The following ANKRD40 variants were observed in gnomAD, a reference collection of about 807,000 sequenced individuals.
ANKRD40 encodes the protein ankyrin repeat domain-containing protein 40.
Under a neutral mutation model 35.5 loss-of-function variants are expected in ANKRD40, and 24 were observed. The observed-to-expected ratio is 0.68, with a 90% CI of 0.49 to 0.95. The LOEUF is 0.95. ANKRD40 is among the 40% of genes least tolerant of loss of function. The pLI, the probability that ANKRD40 is intolerant of heterozygous loss-of-function variation, is 0.00. For synonymous variants in ANKRD40, 147 were observed against 173.5 expected (o/e 0.85, Z 1.20); for missense variants, 361 against 436.0 (o/e 0.83, Z 1.53).
Position 50,694,145 on chromosome 17 carries a change from A to C in ANKRD40, c.*1852T>G, listed in dbSNP as rs1347313041. 2 of 151,644 alleles carry C rather than the reference A, an allele frequency of 1.3e-5. No individual in the cohort carries two copies. The highest frequency in any genetic ancestry group is 2.9e-5 in the Non-Finnish European group (2 of 67,940). 9.4% of individuals were successfully genotyped at this position (151,644 alleles called of 1,614,324 possible). On this transcript the variant is annotated 3_prime_UTR_variant, in exon 5 of 5. Transcript: ENST00000285243. ...ACTCCGTCTCAAAAAAAAAAAGAAA[A>C]GAAACACCAGGGAGGTTTCTTCTTT...
At chr17:50,700,897 G>T in intron 1 of ANKRD40, 181 bp from the exon 2 acceptor site, 1 of 525,174 alleles carries the variant, frequency 1.9e-6, no homozygotes. Context: ...CTTAAATTTT[G>T]TTTTTAAATT....
At position 50,697,029 on chromosome 17, in the gene ANKRD40, C is replaced by A; in HGVS notation, c.871G>T (p.Glu291Ter). ...TCACAGCAACACACTCTGAGCAACT[C>A]TTGGTAGGTGAGCTCCTGTCGGTCC... is the stretch of plus-strand genomic sequence containing the variant. ...ELDRQELTYQ[E>*]LLRVCCCELG... The change falls in exon 4 of 5, where the codon GAG becomes TAG. Residue 291 changes from glutamate (E) to a stop codon, truncating the protein, a stop_gained. Coordinates refer to ENST00000285243, the MANE Select transcript of ANKRD40 (RefSeq NM_052855.4). LOFTEE classifies it high-confidence loss of function. The A allele has an allele frequency of 6.2e-7, 1 of 1,614,170 alleles. No individual in the cohort carries two copies. Among genetic ancestry groups the A allele is most frequent in the Non-Finnish European group, 8.5e-7 (1 of 1,180,030 alleles).
chr17:50,707,369 A>G lies in ANKRD40; in HGVS notation c.134+152T>C, dbSNP rs997482218. 6 of 1,189,340 alleles carry G rather than the reference A, an allele frequency of 5.0e-6. No homozygotes were observed. Among genetic ancestry groups the G allele is most frequent in the Middle Eastern group, 2.3e-4 (1 of 4,268 alleles). The allele number at this position is 1,189,340 out of a possible 1,614,324, so 73.7% of individuals were successfully genotyped here. On this transcript the variant is annotated intron_variant, in intron 1 of 4. Coordinates refer to ENST00000285243, the MANE Select transcript of ANKRD40 (RefSeq NM_052855.4). The surrounding 1 kb of genome is among the most constrained non-coding windows in gnomAD (Gnocchi z 4.8). ...CCCGACCGCACGAGGCATGGGGGCC[A>G]GGGCTGGCCTCAAGAGAGCACAATC...
chr17:50,696,803 A>ATGAT, intron 4 of ANKRD40, 137 bp downstream of exon 4: 1 of 880,548 alleles, frequency 1.1e-6, no homozygotes, highest in Non-Finnish European at 1.6e-6. Context: ...GTAGAAGGAA[A>ATGAT]TGATTACATT....
chr17:50,700,918 C>T, intron 1 of ANKRD40: 1 of 486,054 alleles, frequency 2.1e-6, no homozygotes. Context: ...TCATTTCTGG[C>T]TCCTGAGAAA....
intron 1 of ANKRD40, among the ~76,000 whole-genome samples, chr17:50,702,033 C>G (rs1005951378): frequency 6.6e-6 from 1 of 152,092 alleles, no homozygotes; most frequent in Non-Finnish European, 1.5e-5. Flanking sequence ...ATAAGAGTCT[C>G]GTTAAGTTTG....
Position 50,707,390 on chromosome 17 carries a change from C to G in ANKRD40, c.134+131G>C. Reference sequence around the variant, plus strand: ...GGCCAGGGCTGGCCTCAAGAGAGCACAATCTCGGAGGCCCGAGGTGGCAGG... The same window carrying G: ...GGCCAGGGCTGGCCTCAAGAGAGCAGAATCTCGGAGGCCCGAGGTGGCAGG... On this transcript the variant is annotated intron_variant, in intron 1 of 4. Transcript: ENST00000285243. The surrounding 1 kb of genome is among the most constrained non-coding windows in gnomAD (Gnocchi z 4.8). The G allele has an allele frequency of 7.3e-7, 1 of 1,376,324 alleles. No individual in the cohort carries two copies. The highest frequency in any genetic ancestry group is 9.8e-7 in the Non-Finnish European group (1 of 1,023,652). The allele number at this position is 1,376,324 out of a possible 1,614,324, so 85.3% of individuals were successfully genotyped here.
chr17:50,697,540 T>G (rs1968215133), intron 3 of ANKRD40, among the ~76,000 whole-genome samples: 1 of 152,190 alleles, frequency 6.6e-6, no homozygotes, highest in Non-Finnish European at 1.5e-5. Flanking sequence ...TAAAAAGATT[T>G]AACAATTATG....
chr17:50,700,638 TTC>T lies in ANKRD40; in HGVS notation c.211_212del (p.Glu71AsnfsTer29). On this transcript the variant is annotated frameshift_variant, in exon 2 of 5. Coordinates refer to ENST00000285243, the MANE Select transcript of ANKRD40 (RefSeq NM_052855.4). LOFTEE classifies it high-confidence loss of function. ...GCATTTCTCCTTTTGTGGTAAGAAT[TTC>T]TTTGTCAGCTCCTGATTTTAACAGG... The part of the protein sequence containing the change: ...SYLLKSGADK[E>X]ILTTKGEMPV... 1 of 1,614,096 alleles carries T rather than the reference TTC, an allele frequency of 6.2e-7. No homozygotes were observed. Among genetic ancestry groups the T allele is most frequent in the Non-Finnish European group, 8.5e-7 (1 of 1,180,024 alleles).
At position 50,700,634 on chromosome 17, in the gene ANKRD40, G is replaced by A. The variant is rs770295569; in HGVS notation, c.217C>T (p.Leu73Phe). Residue 73 changes from leucine (L) to phenylalanine (F), a missense_variant, in exon 2 of 5, where the codon CTT (leucine) becomes TTT (phenylalanine). By Grantham distance (22) the Leu-to-Phe change is conservative. Around this residue, in one of 5 missense-constraint regions of ANKRD40, gnomAD observed 35 missense variants for 68.4 expected, o/e 0.51. Coordinates refer to ENST00000285243, the MANE Select transcript of ANKRD40 (RefSeq NM_052855.4). Reference sequence around the variant, plus strand: ...ACTGGCATTTCTCCTTTTGTGGTAAGAATTTCTTTGTCAGCTCCTGATTTT... The same window carrying A: ...ACTGGCATTTCTCCTTTTGTGGTAAAAATTTCTTTGTCAGCTCCTGATTTT... ...LLKSGADKEI[L>F]TTKGEMPVQL... 1.2e-6 allele frequency: 2 copies of A among 1,614,002 alleles called. No individual in the cohort carries two copies. The highest frequency in any genetic ancestry group is 1.7e-5 in the Admixed American group (1 of 59,996).
chr17:50,707,535 A>G lies in ANKRD40; in HGVS notation c.120T>C (p.Asn40=), dbSNP rs1968354988. The G allele has an allele frequency of 1.2e-5, 19 of 1,606,530 alleles. No individual in the cohort carries two copies. Among genetic ancestry groups the G allele is most frequent in the Non-Finnish European group, 1.6e-5 (19 of 1,176,340 alleles). The change falls in exon 1 of 5, where the codon AAT becomes AAC. Residue 40 remains asparagine (N), a synonymous_variant. Coordinates refer to ENST00000285243, the MANE Select transcript of ANKRD40 (RefSeq NM_052855.4). The surrounding 1 kb of genome is among the most constrained non-coding windows in gnomAD (Gnocchi z 4.8). The stretch of plus-strand genomic sequence containing the variant: ...TCCCCACTTACCAGCCGTTGACCTC[A>G]TTTTGGGAGTTCACATCCACCCCGC... ...VESGVDVNSQ[N]EVNGWTCLHW... is the part of the protein sequence containing the mutation.
chr17:50,703,337 TC>T (rs894392083), intron 1 of ANKRD40, among the ~76,000 whole-genome samples: 8 of 151,786 alleles, frequency 5.3e-5, no homozygotes, highest in African/African-American at 1.7e-4. Context: ...CTGTCAACAT[TC>T]CCCCCATTTT....
rs1486902636 is a variant in ANKRD40 at position 50,707,738 on chromosome 17, C to A, written c.-84G>T. The A allele has an allele frequency of 1.4e-5, 15 of 1,061,376 alleles. No individual in the cohort carries two copies. Among genetic ancestry groups the A allele is most frequent in the Non-Finnish European group, 1.7e-5 (15 of 858,556 alleles). 65.7% of individuals were successfully genotyped at this position (1,061,376 alleles called of 1,614,324 possible). On this transcript the variant is annotated 5_prime_UTR_variant, in exon 1 of 5. Transcript: ENST00000285243. This position sits in a 1 kb window ranked among gnomAD's most constrained non-coding sequence, Gnocchi z 4.8. Reference sequence around the variant, plus strand: ...TCAGCGCCGCCGCCGTCGCCGCGGCCCGCTCCCGGCCATGGGGAGGGAGCG... The same window carrying A: ...TCAGCGCCGCCGCCGTCGCCGCGGCACGCTCCCGGCCATGGGGAGGGAGCG...
intron 1 of ANKRD40, among the ~76,000 whole-genome samples, chr17:50,703,953 G>A (rs1034992878): frequency 6.6e-6 from 1 of 152,090 alleles, no homozygotes; most frequent in African/African-American, 2.4e-5. Context: ...CTTTGTATCA[G>A]AGGTGTAGTG....
At chr17:50,703,438 G>A (rs1968292437) in intron 1 of ANKRD40, among the ~76,000 whole-genome samples, 1 of 152,166 alleles carries the variant, frequency 6.6e-6, no homozygotes, top group Non-Finnish European at 1.5e-5. Context: ...AGTAAAGCAG[G>A]GAAAGGCATT....
At chr17:50,705,994 T>C (rs1968332455) in intron 1 of ANKRD40, among the ~76,000 whole-genome samples, 1 of 151,798 alleles carries the variant, frequency 6.6e-6, no homozygotes, top group Non-Finnish European at 1.5e-5. Context: ...CTGGAAACCA[T>C]GGTTCTGGTG....
intron 1 of ANKRD40, among the ~76,000 whole-genome samples, chr17:50,701,894 G>A (rs957815662): frequency 2.6e-5 from 4 of 152,300 alleles, no homozygotes; most frequent in African/African-American, 9.6e-5. Flanking sequence ...ATGTCTGGCT[G>A]GCTGGGAGCA....
intron 1 of ANKRD40, among the ~76,000 whole-genome samples, chr17:50,703,132 C>T (rs1288179073): frequency 1.6e-5 from 2 of 126,940 alleles, no homozygotes; most frequent in African/African-American, 5.8e-5. Context: ...AAGCAGTCAC[C>T]ATTCTGCTTT....
chr17:50,703,869 T>G (rs367770535), intron 1 of ANKRD40, among the ~76,000 whole-genome samples: 10 of 152,162 alleles, frequency 6.6e-5, no homozygotes, highest in African/African-American at 2.2e-4. Flanking sequence ...AAGAAGACTG[T>G]ATGATATAAG....
Sources: allele counts gnomAD v4.1 joint callset (sites outside exome capture counted in the v4.1 genomes callset), GRCh38; gene constraint gnomAD v4.1.1; regional missense constraint gnomAD v4.1.1; non-coding constraint Gnocchi (gnomAD v3.1); transcripts MANE v1.5; gene names NCBI Gene and HGNC (gene_info 2026-07-23, HGNC 2026-07-21).